FGD4: variants seen among roughly 807,000 people sequenced by gnomAD.
FGD4 encodes FYVE, RhoGEF and PH domain containing 4.
A neutral mutation model predicts 102.0 loss-of-function variants in FGD4; 42 were observed. The observed-to-expected ratio is 0.41, with a 90% CI of 0.32 to 0.53. The LOEUF (loss-of-function observed/expected upper bound fraction) is 0.53, where lower values mean the gene tolerates loss of function less well. Ranked by LOEUF, FGD4 falls within the 20% of genes least tolerant of loss-of-function variation. FGD4 has a pLI of 0.21. For synonymous variants in FGD4, 380 were observed against 375.7 expected (o/e 1.01, Z -0.13); for missense variants, 902 against 1,078.2 (o/e 0.84, Z 2.29).
intron 1 of FGD4, among the ~76,000 whole-genome samples, chr12:32,492,623 A>T (rs564583078): frequency 1.8e-4 from 28 of 152,334 alleles, no homozygotes; most frequent in Non-Finnish European, 3.5e-4. Context: ...TTAAAGCAGG[A>T]TGTACAATAT....
rs529236519 is a variant in FGD4, at chr12:32,485,943, T to G, written c.167-78194T>G. On this transcript the variant is annotated intron_variant, in intron 1 of 16. Transcript: ENST00000534526. ...GCCTGCATCACTGCCAGAAGAAGAC[T>G]TATGAAACAGAACTCTGTACTTCCC... 43 of 1,277,632 alleles carry G rather than the reference T, an allele frequency of 3.4e-5. No homozygotes were observed. In the South Asian group the frequency reaches 9.6e-4, roughly 29 times the overall value. The allele number at this position is 1,277,632 out of a possible 1,614,324, so 79.1% of individuals were successfully genotyped here. A position where few individuals can be genotyped will look rare whatever the true frequency, so the allele number is the denominator to read the frequency against.
chr12:32,464,996 G>A lies in FGD4; in HGVS notation c.166+65037G>A, dbSNP rs542213980. On this transcript the variant is annotated intron_variant, in intron 1 of 16. Coordinates refer to ENST00000534526, the MANE Select transcript of FGD4 (RefSeq NM_001370298.3). ...CTCCAGTTTGTGATTAAATTGTGATGTAATAGGGATTAAAGCCAGAGAAGA... is the reference window on the plus strand; with the variant it reads ...CTCCAGTTTGTGATTAAATTGTGATATAATAGGGATTAAAGCCAGAGAAGA... 2.0e-5 allele frequency among the ~76,000 whole-genome samples: 3 copies of A among 152,292 alleles called. No individual in the cohort carries two copies. The South Asian group carries it at 6.2e-4, about 32-fold the overall frequency.
chr12:32,592,098 T>A (rs1028402538), intron 4 of FGD4, among the ~76,000 whole-genome samples: 14 of 152,114 alleles, frequency 9.2e-5, no homozygotes, highest in South Asian at 2.1e-4. Flanking sequence ...TTATTTATTT[T>A]TTGAGACAGA....
At chr12:32,598,895 C>A (rs1948122553) in intron 5 of FGD4, among the ~76,000 whole-genome samples, 1 of 152,196 alleles carries the variant, frequency 6.6e-6, no homozygotes, top group Non-Finnish European at 1.5e-5. Context: ...CATGTTACCA[C>A]TAAAATCTAA....
At position 32,640,265 on chromosome 12, in the gene FGD4, CT is replaced by C. The variant is rs749153715; in HGVS notation, c.2455-7del. The stretch of plus-strand genomic sequence containing the variant: ...ATCACCTGCTTTTAATGTCTGATGT[CT>C]TTTCTTTAGGACGTCAGAGCCCAGG... On this transcript the variant is annotated splice_polypyrimidine_tract_variant and intron_variant, in intron 16 of 16. Coordinates refer to ENST00000534526, the MANE Select transcript of FGD4 (RefSeq NM_001370298.3). The C allele has an allele frequency of 6.2e-7, 1 of 1,614,136 alleles. No homozygotes were observed. The highest frequency in any genetic ancestry group is 8.5e-7 in the Non-Finnish European group (1 of 1,180,016).
chr12:32,637,893 A>G (rs763151060), intron 15 of FGD4: 2 of 152,270 alleles, frequency 1.3e-5, no homozygotes, highest in Non-Finnish European at 2.9e-5. Context: ...GGGGATTACA[A>G]TTGAAGATGA....
At chr12:32,455,496 A>G (rs1293920597) in intron 1 of FGD4, among the ~76,000 whole-genome samples, 1 of 152,018 alleles carries the variant, frequency 6.6e-6, no homozygotes, top group Non-Finnish European at 1.5e-5. Flanking sequence ...TATCTCCTCA[A>G]GGTTGGATCA....
chr12:32,482,537 T>A (rs1943794898), intron 1 of FGD4, among the ~76,000 whole-genome samples: 1 of 152,244 alleles, frequency 6.6e-6, no homozygotes. Context: ...CAACTATTGC[T>A]GAGCGGACTG....
chr12:32,613,354 A>G (rs944009084), intron 10 of FGD4, among the ~76,000 whole-genome samples: 11 of 152,180 alleles, frequency 7.2e-5, no homozygotes, highest in Admixed American at 2.0e-4. Context: ...GTTATGAAAA[A>G]ACTATGCGTA....
At chr12:32,534,547 G>T in intron 1 of FGD4, 1 of 1,294,044 alleles carries the variant, frequency 7.7e-7, no homozygotes, top group South Asian at 1.6e-5. Flanking sequence ...TCCCCAGCGT[G>T]GGTCACTTTA....
At chr12:32,491,127 C>T (rs1323331906) in intron 1 of FGD4, among the ~76,000 whole-genome samples, 1 of 96,236 alleles carries the variant, frequency 1.0e-5, no homozygotes, top group Non-Finnish European at 2.1e-5. Context: ...ATACCTTCTG[C>T]CAGTTAAAAA....
At chr12:32,400,853 C>T (rs1940632658) in intron 1 of FGD4, among the ~76,000 whole-genome samples, 2 of 146,722 alleles carry the variant, frequency 1.4e-5, no homozygotes, top group South Asian at 4.4e-4. Context: ...GCAAATATGA[C>T]GATTTAAATA....
chr12:32,588,959 G>A (rs76284913), intron 4 of FGD4, among the ~76,000 whole-genome samples: 6,258 of 152,232 alleles, frequency 0.041, 181 homozygotes, highest in Non-Finnish European at 0.051. Flanking sequence ...TAACCTAGTG[G>A]TCAGGAACAC....
At chr12:32,502,232 G>A (rs1592027858) in intron 1 of FGD4, 3 of 985,324 alleles carry the variant, frequency 3.0e-6, no homozygotes, top group East Asian at 1.1e-4. Flanking sequence ...GCAATGGACC[G>A]GGTTAATGGG....
chr12:32,623,117 A>T (rs1432264526), intron 11 of FGD4, among the ~76,000 whole-genome samples: 2 of 152,244 alleles, frequency 1.3e-5, no homozygotes, highest in East Asian at 3.8e-4. Flanking sequence ...TTTCAAAAAG[A>T]TAAAAAGTAT....
chr12:32,552,020 G>A (rs961989754), intron 1 of FGD4, among the ~76,000 whole-genome samples: 1 of 152,152 alleles, frequency 6.6e-6, no homozygotes, highest in Non-Finnish European at 1.5e-5. Context: ...TAAAAGAAGG[G>A]ACCAAGAAAT....
At chr12:32,598,639 T>A (rs1948099108) in intron 5 of FGD4, 53 bp downstream of exon 5, 2 of 1,419,034 alleles carry the variant, frequency 1.4e-6, no homozygotes, top group Non-Finnish European at 2.0e-6. Context: ...TACATCATTT[T>A]AACCTAGTAA....
chr12:32,534,212 A>T, intron 1 of FGD4: 1 of 935,018 alleles, frequency 1.1e-6, no homozygotes. Context: ...CTCTGTGCTC[A>T]TACACTCCCT....
intron 1 of FGD4, chr12:32,511,993 G>A (rs1269716879): frequency 2.0e-5 from 3 of 152,116 alleles, no homozygotes; most frequent in South Asian, 2.1e-4. Context: ...TGGAATAGAT[G>A]TAAAATTATT....
Sources: allele counts gnomAD v4.1 joint callset (sites outside exome capture counted in the v4.1 genomes callset), GRCh38; gene constraint gnomAD v4.1.1; transcripts MANE v1.5; gene names NCBI Gene and HGNC (gene_info 2026-07-23, HGNC 2026-07-21).